DERL2: variants seen among roughly 807,000 people sequenced by gnomAD.
DERL2 encodes the protein derlin-2.
In DERL2, 13 loss-of-function variants were observed where a neutral mutation model predicts 32.0. The ratio of observed to expected loss-of-function variants is 0.41; its 90% CI spans 0.26 to 0.65. The LOEUF (loss-of-function observed/expected upper bound fraction) is 0.65, where lower values mean the gene tolerates loss of function less well. Among genes scored for constraint, DERL2 ranks in the 30% least tolerant of loss-of-function variants. The pLI is 0.35. For missense variants in DERL2, 208 were observed against 296.3 expected (o/e 0.70, Z 2.19); for synonymous variants, 111 against 104.7 (o/e 1.06, Z -0.37).
chr17:5,480,181 T>C, intron 5 of DERL2, 37 bp from the exon 6 acceptor site: 1 of 1,437,890 alleles, frequency 7.0e-7, no homozygotes, highest in Non-Finnish European at 9.7e-7. Context: ...AGGGAGAGAA[T>C]TAAAATTTAG....
intron 6 of DERL2, among the ~76,000 whole-genome samples, chr17:5,475,577 C>G (rs187382347): frequency 2.0e-5 from 3 of 152,180 alleles, no homozygotes; most frequent in Admixed American, 6.5e-5. Flanking sequence ...GAAACCCTGT[C>G]TCCACCAAAA....
rs571899055 is a variant in DERL2 at position 5,486,162 on chromosome 17, C to T, written c.-1G>A. ...CCAGCCGCAAGCTCTGGTACGCCAT[C>T]TTCCCCACCGTCGCCTGCCCCACCC... On this transcript the variant is annotated 5_prime_UTR_variant, in exon 1 of 7. Transcript: ENST00000158771. The T allele has an allele frequency of 1.9e-6, 3 of 1,603,538 alleles. No homozygotes were observed. The East Asian group carries it at 6.8e-5, about 36-fold the overall frequency.
At position 5,486,157 on chromosome 17, in the gene DERL2, G is replaced by A; in HGVS notation, c.5C>T (p.Ala2Val). The A allele has an allele frequency of 1.2e-6, 2 of 1,606,858 alleles. No homozygotes were observed. Among genetic ancestry groups the A allele is most frequent in the African/African-American group, 1.3e-5 (1 of 74,790 alleles). M[A>V]YQSLRLEYLQ... Reference sequence around the variant, plus strand: ...GTACTCCAGCCGCAAGCTCTGGTACGCCATCTTCCCCACCGTCGCCTGCCC... The same window carrying A: ...GTACTCCAGCCGCAAGCTCTGGTACACCATCTTCCCCACCGTCGCCTGCCC... Residue 2 changes from alanine to valine, a missense_variant, in exon 1 of 7, where the codon GCG becomes GTG. By Grantham distance (64) the Ala-to-Val change is moderately conservative. This residue lies in a region of DERL2 where 44 missense variants were observed against 42.3 expected (regional missense o/e 1.04). Coordinates refer to ENST00000158771, the MANE Select transcript of DERL2 (RefSeq NM_016041.5).
rs919492547 is a variant in DERL2, at chr17:5,471,457, ACTTGAAG to A, written c.*3220_*3226del. 6.6e-6 allele frequency: 1 copy of A among 152,206 alleles called. No individual in the cohort carries two copies. The highest frequency in any genetic ancestry group is 1.5e-5 in the Non-Finnish European group (1 of 68,032). 9.4% of individuals were successfully genotyped at this position (152,206 alleles called of 1,614,324 possible). ...ATTTGGCGTTAAGAATGTCATACAGACTTGAAGCTTTATAGGGATTCAGAGACAGACA... is the reference window on the plus strand; with the variant it reads ...ATTTGGCGTTAAGAATGTCATACAGACTTTATAGGGATTCAGAGACAGACA... On this transcript the variant is annotated 3_prime_UTR_variant, in exon 7 of 7. Transcript: ENST00000158771.
Position 5,474,600 on chromosome 17 carries a change from C to G in DERL2, c.*84G>C. On this transcript the variant is annotated 3_prime_UTR_variant, in exon 7 of 7. Coordinates refer to ENST00000158771, the MANE Select transcript of DERL2 (RefSeq NM_016041.5). The surrounding 1 kb of genome is among the most constrained non-coding windows in gnomAD (Gnocchi z 4.3). ...AATCTGCCAAGCTGTCAAAAGTGTCCACACTTTTGCAACAAAGGATAAAAG... is the reference window on the plus strand; with the variant it reads ...AATCTGCCAAGCTGTCAAAAGTGTCGACACTTTTGCAACAAAGGATAAAAG... 6.6e-6 allele frequency: 7 copies of G among 1,065,408 alleles called. No homozygotes were observed. Among genetic ancestry groups the G allele is most frequent in the Non-Finnish European group, 9.6e-6 (7 of 727,274 alleles). 66.0% of individuals were successfully genotyped at this position (1,065,408 alleles called of 1,614,324 possible).
rs2151697160 is a variant in DERL2, at chr17:5,472,304, A to G, written c.*2380T>C. 6.6e-6 allele frequency: 1 copy of G among 152,318 alleles called. No individual in the cohort carries two copies. The highest frequency in any genetic ancestry group is 1.9e-4 in the East Asian group (1 of 5,192). 9.4% of individuals were successfully genotyped at this position (152,318 alleles called of 1,614,324 possible). ...CAAATCTCACTTTCAGTTTATTTGC[A>G]TTGTGAAAGGGAAGTGTGTTCTGGA... On this transcript the variant is annotated 3_prime_UTR_variant, in exon 7 of 7. Coordinates refer to ENST00000158771, the MANE Select transcript of DERL2 (RefSeq NM_016041.5).
rs1905763928 is a variant in DERL2, at chr17:5,481,304, A to G, written c.319T>C (p.Leu107=). 1 of 1,612,892 alleles carries G rather than the reference A, an allele frequency of 6.2e-7. No homozygotes were observed. The highest frequency in any genetic ancestry group is 1.3e-5 in the African/African-American group (1 of 74,932). ...FVFMFLFGGF[L]MTLFGLFVSL... The stretch of plus-strand genomic sequence containing the variant: ...TGTTTGTTGAAGGATACGGTCATTA[A>G]GAATCCACCAAAAAGGAACATAAAT... The change falls in exon 4 of 7, where the codon TTA becomes CTA. Residue 107 remains leucine (L), a synonymous_variant. Transcript: ENST00000158771. The surrounding 1 kb of genome is among the most constrained non-coding windows in gnomAD (Gnocchi z 4.4).
At chr17:5,475,239 G>A (rs1008824086) in intron 6 of DERL2, among the ~76,000 whole-genome samples, 5 of 151,830 alleles carry the variant, frequency 3.3e-5, no homozygotes, top group African/African-American at 9.7e-5. Flanking sequence ...AACAAAATAC[G>A]GTACACACAT....
intron 3 of DERL2, 80 bp downstream of exon 3, chr17:5,482,728 GT>G (rs1178791773): frequency 1.3e-6 from 1 of 792,354 alleles, no homozygotes; most frequent in African/African-American, 1.8e-5. Context: ...CCAAAAACAA[GT>G]AACAGGATGA....
upstream of DERL2, chr17:5,486,345 G>T: frequency 2.4e-6 from 1 of 421,982 alleles, no homozygotes; most frequent in Non-Finnish European, 4.2e-6. Context: ...ATCACGAGTT[G>T]CGTCGCCACC....
chr17:5,479,927 C>T, intron 6 of DERL2, 127 bp downstream of exon 6: 1 of 616,030 alleles, frequency 1.6e-6, no homozygotes. Context: ...AGCCAGAATG[C>T]TCAATCTGCA....
intron 6 of DERL2, among the ~76,000 whole-genome samples, chr17:5,479,616 C>T (rs1905640496): frequency 6.6e-6 from 1 of 151,820 alleles, no homozygotes. Flanking sequence ...ACAGCTACAC[C>T]TGGTTTCCAG....
intron 1 of DERL2, 124 bp downstream of exon 1, chr17:5,485,945 T>C (rs1253442756): frequency 2.5e-6 from 2 of 795,156 alleles, no homozygotes; most frequent in Non-Finnish European, 4.0e-6. Flanking sequence ...GAGTAATCCC[T>C]GTACGCCTCC....
rs1567607233 is a variant in DERL2, at chr17:5,471,273, A to T, written c.*3411T>A. 1 of 152,256 alleles carries T rather than the reference A, an allele frequency of 6.6e-6. No homozygotes were observed. The highest frequency in any genetic ancestry group is 1.5e-5 in the Non-Finnish European group (1 of 68,036). The allele number at this position is 152,256 out of a possible 1,614,324, so 9.4% of individuals were successfully genotyped here. On this transcript the variant is annotated 3_prime_UTR_variant, in exon 7 of 7. Transcript: ENST00000158771. Reference sequence around the variant, plus strand: ...TAATACTTTGCTGATCAATAAACAAAGGTATTTATTCAGCACCCATGTGCC... The same window carrying T: ...TAATACTTTGCTGATCAATAAACAATGGTATTTATTCAGCACCCATGTGCC...
chr17:5,477,031 T>C (rs1471661183), intron 6 of DERL2, among the ~76,000 whole-genome samples: 2 of 152,122 alleles, frequency 1.3e-5, no homozygotes, highest in Non-Finnish European at 2.9e-5. Context: ...AGGTGGAGAC[T>C]ATCCCGAAAG....
chr17:5,484,527 C>T (rs1478850620), intron 2 of DERL2, among the ~76,000 whole-genome samples: 2 of 152,348 alleles, frequency 1.3e-5, no homozygotes, highest in South Asian at 4.1e-4. Flanking sequence ...GGATTACAGG[C>T]GTGAGCCACT....
chr17:5,474,537 A>C lies in DERL2; in HGVS notation c.*147T>G. On this transcript the variant is annotated 3_prime_UTR_variant, in exon 7 of 7. Coordinates refer to ENST00000158771, the MANE Select transcript of DERL2 (RefSeq NM_016041.5). The surrounding 1 kb of genome is among the most constrained non-coding windows in gnomAD (Gnocchi z 4.3). ...AACTGTTGGAAATGTCTTCTGGATT[A>C]GTCAGTGTACCATTTCATAAAGTGC... is the stretch of plus-strand genomic sequence containing the variant. 1 of 597,244 alleles carries C rather than the reference A, an allele frequency of 1.7e-6. No homozygotes were observed. The highest frequency in any genetic ancestry group is 2.9e-6 in the Non-Finnish European group (1 of 339,844). 37.0% of individuals were successfully genotyped at this position (597,244 alleles called of 1,614,324 possible).
In DERL2 at chr17:5,482,803, G is replaced by A. The variant is rs1240827828; in HGVS notation, c.233+6C>T. The stretch of plus-strand genomic sequence containing the variant: ...TTTGATGCTGACCCCATTTAATAAA[G>A]GATACAGAAAAATCATGTTAAATAA... On this transcript the variant is annotated splice_donor_region_variant and intron_variant, in intron 3 of 6. Transcript: ENST00000158771. 2 of 1,450,032 alleles carry A rather than the reference G, an allele frequency of 1.4e-6. No individual in the cohort carries two copies. 89.8% of individuals were successfully genotyped at this position (1,450,032 alleles called of 1,614,324 possible).
At chr17:5,486,190 C>G (rs572712487), upstream of DERL2, 24 of 1,178,994 alleles carry the variant, frequency 2.0e-5, no homozygotes, top group Admixed American at 7.1e-5. Flanking sequence ...CCCCACCCCC[C>G]ACCCACCCCA....
Sources: gnomAD v4.1 joint callset for allele counts (sites outside exome capture counted in the v4.1 genomes callset) on GRCh38, gnomAD v4.1.1 for gene constraint, gnomAD v4.1.1 regional missense constraint, Gnocchi (gnomAD v3.1) non-coding constraint, MANE v1.5 for transcripts, NCBI Gene and HGNC (gene_info 2026-07-23, HGNC 2026-07-21) for gene names.